ZFHX3: variants seen among roughly 807,000 people sequenced by gnomAD.
ZFHX3 encodes the protein zinc finger homeobox 3, also known as zinc finger homeobox protein 3.
In ZFHX3, 42 loss-of-function variants were observed where a neutral mutation model predicts 279.1. That is an observed-to-expected ratio of 0.15 (90% confidence interval 0.12 to 0.19). ZFHX3 has a LOEUF of 0.19. Among genes scored for constraint, ZFHX3 ranks in the 10% least tolerant of loss-of-function variants. The pLI is 1.00. For synonymous variants in ZFHX3, 2,293 were observed against 1,957.8 expected, an observed-to-expected ratio of 1.17 and a Z score of -4.52; for missense variants, 4,981 against 4,754.0, an observed-to-expected ratio of 1.05 and a Z score of -1.40.
chr16:72,945,857 C>T (rs918070606), intron 3 of ZFHX3, among the ~76,000 whole-genome samples: 6 of 152,034 alleles, frequency 3.9e-5, no homozygotes, highest in African/African-American at 9.7e-5. Context: ...AAGACAAAGG[C>T]CTCCAGGCAC....
intron 5 of ZFHX3, among the ~76,000 whole-genome samples, chr16:73,233,588 A>G (rs372156972): frequency 3.0e-4 from 45 of 152,296 alleles, no homozygotes; most frequent in African/African-American, 1.0e-3. Context: ...ATCGTCTGCC[A>G]TTTGGACAGC....
At chr16:73,851,389 C>T (rs1446055665) in intron 1 of ZFHX3, among the ~76,000 whole-genome samples, 2 of 152,124 alleles carry the variant, frequency 1.3e-5, no homozygotes, top group Admixed American at 6.5e-5. Flanking sequence ...TTTGTTGAGA[C>T]GATTGTCATA....
intron 2 of ZFHX3, among the ~76,000 whole-genome samples, chr16:73,650,300 A>G (rs2052658367): frequency 6.6e-6 from 1 of 152,044 alleles, no homozygotes; most frequent in Non-Finnish European, 1.5e-5. Flanking sequence ...CCAAAGATGG[A>G]AGCAGAGTAC....
intron 1 of ZFHX3, among the ~76,000 whole-genome samples, chr16:72,986,154 G>A (rs1962832671): frequency 6.6e-6 from 1 of 151,964 alleles, no homozygotes; most frequent in Admixed American, 6.6e-5. Flanking sequence ...CGTCCTGGGT[G>A]GAGCTTCACT....
At chr16:73,405,775 A>C (rs902053728) in intron 3 of ZFHX3, among the ~76,000 whole-genome samples, 1 of 152,192 alleles carries the variant, frequency 6.6e-6, no homozygotes, top group Non-Finnish European at 1.5e-5. Context: ...TTTCACTAGG[A>C]ATTATTTTTC....
At chr16:73,847,376 C>T (rs1253167167) in intron 1 of ZFHX3, among the ~76,000 whole-genome samples, 1 of 152,098 alleles carries the variant, frequency 6.6e-6, no homozygotes, top group Non-Finnish European at 1.5e-5. Flanking sequence ...AAACCAGTGT[C>T]GAGGGGGGAT....
chr16:73,529,898 C>T (rs756480169), intron 2 of ZFHX3, among the ~76,000 whole-genome samples: 6 of 151,084 alleles, frequency 4.0e-5, no homozygotes, highest in Non-Finnish European at 8.8e-5. Flanking sequence ...AGTAATTCCC[C>T]ACATGTGCAA....
chr16:73,455,932 A>G (rs1175163478), intron 3 of ZFHX3: 1 of 151,880 alleles, frequency 6.6e-6, no homozygotes, highest in East Asian at 1.9e-4. Flanking sequence ...TTGACAAACC[A>G]CATTGCGTTA....
intron 1 of ZFHX3, among the ~76,000 whole-genome samples, chr16:73,695,653 C>A (rs2053191022): frequency 6.6e-6 from 1 of 152,200 alleles, no homozygotes; most frequent in Non-Finnish European, 1.5e-5. Context: ...GTCATTTCAG[C>A]TTCTTTCATT....
At chr16:73,278,965 A>C (rs2014386116) in intron 4 of ZFHX3, among the ~76,000 whole-genome samples, 1 of 152,168 alleles carries the variant, frequency 6.6e-6, no homozygotes, top group Non-Finnish European at 1.5e-5. Context: ...TGCTTCAAAA[A>C]ATTTTCACCT....
At position 73,047,908 on chromosome 16, in the gene ZFHX3, G is replaced by A. The variant is rs1965358990; in HGVS notation, c.-206C>T. 1 of 152,306 alleles carries A rather than the reference G, an allele frequency of 6.6e-6. No individual in the cohort carries two copies. Among genetic ancestry groups the A allele is most frequent in the African/African-American group, 2.4e-5 (1 of 41,466 alleles). 9.4% of individuals were successfully genotyped at this position (152,306 alleles called of 1,614,324 possible). ...GCTCCCCACCTCCCGCTGGCCCCAGGACTCGGAGGTGGCTCTGGTCAGGAG... is the reference window on the plus strand; with the variant it reads ...GCTCCCCACCTCCCGCTGGCCCCAGAACTCGGAGGTGGCTCTGGTCAGGAG... On this transcript the variant is annotated 5_prime_UTR_variant, in exon 1 of 10. Coordinates refer to ENST00000268489, the MANE Select transcript of ZFHX3 (RefSeq NM_006885.4).
intron 5 of ZFHX3, among the ~76,000 whole-genome samples, chr16:73,176,629 T>G (rs187239049): frequency 6.7e-6 from 1 of 150,212 alleles, no homozygotes; most frequent in South Asian, 2.1e-4. Flanking sequence ...TTTTTTTCCT[T>G]AAACCTCCAT....
chr16:73,021,830 CAAAAAA>C (rs60811631), intron 1 of ZFHX3, among the ~76,000 whole-genome samples: 18 of 71,800 alleles, frequency 2.5e-4, no homozygotes, highest in Admixed American at 1.9e-3. Context: ...GACTCCATCT[CAAAAAA>C]AAAAAAAAAA....
intron 5 of ZFHX3, among the ~76,000 whole-genome samples, chr16:73,236,358 A>G (rs1319270751): frequency 6.6e-6 from 1 of 152,150 alleles, no homozygotes; most frequent in Non-Finnish European, 1.5e-5. Flanking sequence ...AGCCCTTTGC[A>G]AGGCCGAGGC....
At chr16:73,631,896 G>T (rs1172923234) in intron 2 of ZFHX3, among the ~76,000 whole-genome samples, 1 of 119,376 alleles carries the variant, frequency 8.4e-6, no homozygotes, top group Non-Finnish European at 1.8e-5. Flanking sequence ...GATAGAGTGG[G>T]ATTCTCTCTC....
intron 3 of ZFHX3, among the ~76,000 whole-genome samples, chr16:73,417,912 C>T (rs552881173): frequency 1.4e-5 from 2 of 146,594 alleles, no homozygotes; most frequent in East Asian, 2.0e-4. Flanking sequence ...TGGCGTGAAC[C>T]CAGGAGGCGG....
chr16:72,890,223 T>C (rs11641588), intron 3 of ZFHX3, among the ~76,000 whole-genome samples: 21,527 of 152,242 alleles, frequency 0.14, 2,057 homozygotes, highest in Non-Finnish European at 0.21. Flanking sequence ...GGTTCCCCCA[T>C]GCTGTTCTTG....
upstream of ZFHX3, among the ~76,000 whole-genome samples, chr16:73,052,540 C>T (rs552294360): frequency 9.9e-5 from 15 of 152,072 alleles, no homozygotes; most frequent in Non-Finnish European, 1.9e-4. Flanking sequence ...CTTCAGAGCC[C>T]CCGAGCTGAA....
intron 1 of ZFHX3, among the ~76,000 whole-genome samples, chr16:73,705,820 C>T (rs901392971): frequency 1.3e-5 from 2 of 152,134 alleles, no homozygotes; most frequent in African/African-American, 4.8e-5. Context: ...GATTTCCAAC[C>T]CTCATGGACC....
Sources: allele counts gnomAD v4.1 joint callset (sites outside exome capture counted in the v4.1 genomes callset), GRCh38; gene constraint gnomAD v4.1.1; transcripts MANE v1.5; gene names NCBI Gene and HGNC (gene_info 2026-07-23, HGNC 2026-07-21).